Variants in GATA4 observed in about 807,000 individuals in gnomAD.
GATA4 encodes the protein transcription factor GATA-4.
In GATA4, 7 loss-of-function variants were observed where a neutral mutation model predicts 37.9. That is an observed-to-expected ratio of 0.18 (90% CI 0.11 to 0.35). GATA4 has a LOEUF of 0.35. Among genes scored for constraint, GATA4 ranks in the 10% least tolerant of loss-of-function variants. The probability of loss-of-function intolerance (pLI) is 1.00; values close to 1 mark genes in which losing one functional copy is unlikely to be tolerated. For missense variants in GATA4, 647 were observed against 653.0 expected (o/e 0.99, Z 0.10); for synonymous variants, 372 against 292.6 (o/e 1.27, Z -2.77).
intron 2 of GATA4, among the ~76,000 whole-genome samples, chr8:11,717,374 C>G (rs908624497): frequency 6.6e-6 from 1 of 152,174 alleles, no homozygotes; most frequent in African/African-American, 2.4e-5. Context: ...TAAGGTGGAT[C>G]CCTGTCAATG....
At chr8:11,679,239 TG>T (rs1419952935) in intron 1 of GATA4, among the ~76,000 whole-genome samples, 2 of 149,462 alleles carry the variant, frequency 1.3e-5, no homozygotes, top group African/African-American at 4.9e-5. Flanking sequence ...AGAATGTCAG[TG>T]GCCCTGAAGG....
chr8:11,679,283 C>T (rs761541766), intron 1 of GATA4, among the ~76,000 whole-genome samples: 1 of 148,370 alleles, frequency 6.7e-6, no homozygotes, highest in Non-Finnish European at 1.5e-5. Flanking sequence ...CGCGCGAATT[C>T]GGGCAATTTT....
At chr8:11,756,883 G>C (rs1585702710) in intron 5 of GATA4, 52 bp from the exon 6 acceptor site, 2 of 1,613,884 alleles carry the variant, frequency 1.2e-6, no homozygotes, top group East Asian at 2.2e-5. Context: ...GCTGCCGGCT[G>C]TTCGTTTGTC....
At chr8:11,731,695 T>C (rs1801220123) in intron 2 of GATA4, among the ~76,000 whole-genome samples, 1 of 152,234 alleles carries the variant, frequency 6.6e-6, no homozygotes, top group Non-Finnish European at 1.5e-5. Context: ...TTACTATCAC[T>C]GAACTGTACA....
upstream of GATA4, among the ~76,000 whole-genome samples, chr8:11,687,649 C>T (rs1451470275): frequency 6.6e-6 from 1 of 152,210 alleles, no homozygotes; most frequent in African/African-American, 2.4e-5. Flanking sequence ...CCAAAGGTCA[C>T]AGTACTAATA....
chr8:11,697,659 C>A lies in GATA4; in HGVS notation c.-728-2849C>A, dbSNP rs551556545. On this transcript the variant is annotated intron_variant, in intron 1 of 2. Coordinates refer to the GATA4 transcript ENST00000526974. ...GCACAGCCCCCCTTTCAGAGGACCCCGGGTCTTCGCGCCTGCGGACCAGAG... is the reference window on the plus strand; with the variant it reads ...GCACAGCCCCCCTTTCAGAGGACCCAGGGTCTTCGCGCCTGCGGACCAGAG... The A allele has an allele frequency of 9.1e-6, 9 of 985,390 alleles. No homozygotes were observed. In the South Asian group the frequency reaches 3.8e-4, roughly 41 times the overall value. 61.0% of individuals were successfully genotyped at this position (985,390 alleles called of 1,614,324 possible). A position where few individuals can be genotyped will look rare whatever the true frequency, so the allele number is the denominator to read the frequency against.
At chr8:11,706,651 T>G (rs559032059) in intron 1 of GATA4, among the ~76,000 whole-genome samples, 37 of 152,310 alleles carry the variant, frequency 2.4e-4, no homozygotes, top group African/African-American at 7.5e-4. Context: ...AAATCTACTA[T>G]TGAAATAAAA....
chr8:11,723,393 T>C (rs1213666635), intron 2 of GATA4, among the ~76,000 whole-genome samples: 1 of 152,150 alleles, frequency 6.6e-6, no homozygotes, highest in East Asian at 1.9e-4. Context: ...GATGTGTTTC[T>C]ATCCATATAT....
At chr8:11,685,952 G>C (rs1799120496) in intron 1 of GATA4, among the ~76,000 whole-genome samples, 1 of 152,184 alleles carries the variant, frequency 6.6e-6, no homozygotes, top group South Asian at 2.1e-4. Context: ...TGTTCAGAAA[G>C]GAAGGCCGTT....
chr8:11,730,424 C>G (rs940895956), intron 2 of GATA4, among the ~76,000 whole-genome samples: 13 of 152,230 alleles, frequency 8.5e-5, no homozygotes, highest in Non-Finnish European at 1.8e-4. Flanking sequence ...TGAACAGTCA[C>G]TGTCGGGGAT....
intron 1 of GATA4, chr8:11,680,983 C>G (rs1368142428): frequency 6.2e-6 from 6 of 968,708 alleles, no homozygotes; most frequent in Non-Finnish European, 7.4e-6. Flanking sequence ...CTCAATATCC[C>G]CCTGCAGAGA....
chr8:11,754,964 T>A (rs544915245), intron 4 of GATA4, 82 bp from the exon 5 acceptor site: 1 of 1,110,728 alleles, frequency 9.0e-7, no homozygotes, highest in South Asian at 1.3e-5. Flanking sequence ...TGTTGCCTTC[T>A]CGCAGCAGGT....
intron 5 of GATA4, among the ~76,000 whole-genome samples, chr8:11,755,370 C>A (rs530514945): frequency 6.6e-6 from 1 of 152,194 alleles, no homozygotes; most frequent in African/African-American, 2.4e-5. Context: ...TGATCATTGC[C>A]GACTGCAAAG....
At chr8:11,735,420 G>C (rs1034801463) in intron 2 of GATA4, among the ~76,000 whole-genome samples, 6 of 152,186 alleles carry the variant, frequency 3.9e-5, no homozygotes, top group Admixed American at 6.5e-5. Context: ...GTGTTTTTAT[G>C]TAATTTTAAA....
intron 4 of GATA4, among the ~76,000 whole-genome samples, chr8:11,752,486 C>T (rs36038176): frequency 0.18 from 27,932 of 152,160 alleles, 3,391 homozygotes; most frequent in Non-Finnish European, 0.27. Flanking sequence ...TCTCATGAGA[C>T]TTACTCACTA....
upstream of GATA4, among the ~76,000 whole-genome samples, chr8:11,701,351 C>A (rs1481804666): frequency 6.6e-6 from 1 of 152,070 alleles, no homozygotes; most frequent in African/African-American, 2.4e-5. Context: ...TTGGGCCTGT[C>A]TACCCAGGCC....
intron 1 of GATA4, among the ~76,000 whole-genome samples, chr8:11,699,113 C>G (rs1030859650): frequency 6.6e-6 from 1 of 152,188 alleles, no homozygotes; most frequent in Non-Finnish European, 1.5e-5. Context: ...TTGGGCAGAC[C>G]AGGATTTTGA....
intron 1 of GATA4, chr8:11,705,864 T>C (rs1487822321): frequency 1.3e-5 from 2 of 152,230 alleles, no homozygotes; most frequent in Admixed American, 1.3e-4. Flanking sequence ...TACCTGTGTG[T>C]ATACTGGAAG....
chr8:11,743,315 C>T lies in GATA4; in HGVS notation c.617-5601C>T, dbSNP rs142519622. Among the ~76,000 whole-genome samples, 33 of 152,388 alleles carry T rather than the reference C, an allele frequency of 2.2e-4. No homozygotes were observed. The East Asian group carries it at 3.9e-3, about 18-fold the overall frequency. ...ACTTGGACAGGGGCGCGTATACAGA[C>T]GCATGGCAGATATTTGAGTTTCAGG... On this transcript the variant is annotated intron_variant, in intron 2 of 6. Transcript: ENST00000532059.
Sources: allele counts gnomAD v4.1 joint callset (sites outside exome capture counted in the v4.1 genomes callset), GRCh38; gene constraint gnomAD v4.1.1; transcripts MANE v1.5; gene names NCBI Gene and HGNC (gene_info 2026-07-23, HGNC 2026-07-21).